LMF1: variants seen among roughly 807,000 people sequenced by gnomAD.
The protein encoded by LMF1 is lipase maturation factor 1, also known as transmembrane protein 112.
A neutral mutation model predicts 60.6 loss-of-function variants in LMF1; 68 were observed. That is an observed-to-expected ratio of 1.12 (90% confidence interval 0.92 to 1.37). The LOEUF (loss-of-function observed/expected upper bound fraction) is 1.37, where lower values mean the gene tolerates loss of function less well. Ranked by LOEUF, LMF1 falls within the 40% of genes most tolerant of loss-of-function variation. The probability of loss-of-function intolerance (pLI) is 0.00; values close to 1 mark genes in which losing one functional copy is unlikely to be tolerated. For missense variants in LMF1, 948 were observed against 767.2 expected (o/e 1.24, Z -2.78); for synonymous variants, 418 against 324.7 (o/e 1.29, Z -3.09).
At chr16:898,344 G>A (rs777873157) in intron 4 of LMF1, among the ~76,000 whole-genome samples, 4 of 152,220 alleles carry the variant, frequency 2.6e-5, no homozygotes, top group Admixed American at 1.3e-4. Context: ...TCGGGCCGCC[G>A]CAGAGCCTAG....
chr16:934,138 G>T (rs775546525), intron 3 of LMF1, 106 bp downstream of exon 3: 1 of 1,585,802 alleles, frequency 6.3e-7, no homozygotes, highest in South Asian at 1.1e-5. Context: ...GAAGGCTGAT[G>T]GCAGAGGCTA....
At position 855,552 on chromosome 16, in the gene LMF1, C is replaced by T. The variant is rs149002423; in HGVS notation, c.1530-846G>A. 2.4e-3 allele frequency: 877 copies of T among 369,296 alleles called. 3 individuals carry two copies. Among genetic ancestry groups the T allele is most frequent in the South Asian group, 4.3e-3 (211 of 49,538 alleles). The allele number at this position is 369,296 out of a possible 1,614,324, so 22.9% of individuals were successfully genotyped here. On this transcript the variant is annotated intron_variant, in intron 10 of 10. Transcript: ENST00000262301. ...TGCTCGGCTGCCCCGGAGGAGGAGG[C>T]GCCAGGAGGAATTGTCACCGTCACA...
intron 2 of LMF1, among the ~76,000 whole-genome samples, chr16:951,039 TGACAGAGTCAGCCAATGACAGAGTCAGCC>T (rs1254614267): frequency 4.2e-5 from 4 of 94,246 alleles, no homozygotes; most frequent in Non-Finnish European, 7.5e-5. Context: ...TCAGAGCCAA[TGACAGAGTCAGCCAATGACAGAGTCAGCC>T]GACAGAGTCA....
chr16:886,304 C>G (rs1165755221), intron 5 of LMF1, among the ~76,000 whole-genome samples: 1 of 152,146 alleles, frequency 6.6e-6, no homozygotes, highest in Non-Finnish European at 1.5e-5. Flanking sequence ...GCACTGCTGA[C>G]CTTGAGGCGC....
chr16:871,740 T>TG (rs888875686), intron 6 of LMF1: 1 of 186,006 alleles, frequency 5.4e-6, no homozygotes, highest in Admixed American at 5.7e-5. Flanking sequence ...AGGCTGTGCT[T>TG]GGAGAGTGGG....
In LMF1 at chr16:861,254, GTGTC is replaced by G. The variant is rs556382245; in HGVS notation, c.1530-6552_1530-6549del. Among the ~76,000 whole-genome samples, 11 of 151,902 alleles carry G rather than the reference GTGTC, an allele frequency of 7.2e-5. No homozygotes were observed. The East Asian group carries it at 7.7e-4, about 11-fold the overall frequency. On this transcript the variant is annotated intron_variant, in intron 10 of 10. Coordinates refer to ENST00000262301, the MANE Select transcript of LMF1 (RefSeq NM_022773.4). ...AAGTGGTTCTGCGTATTTAATTTAG[GTGTC>G]TGTGTGTTCATTGCTAGCGTACAGG... is the stretch of plus-strand genomic sequence containing the variant.
At chr16:955,851 C>T (rs1274017566) in intron 1 of LMF1, among the ~76,000 whole-genome samples, 4 of 152,252 alleles carry the variant, frequency 2.6e-5, no homozygotes, top group African/African-American at 9.6e-5. Context: ...TCCCAGCACA[C>T]GCTGCAGGGC....
intron 5 of LMF1, among the ~76,000 whole-genome samples, chr16:892,426 C>A (rs562462035): frequency 5.9e-5 from 9 of 152,188 alleles, no homozygotes; most frequent in Admixed American, 4.6e-4. Flanking sequence ...CCAGCCCCCA[C>A]GTGAACACGT....
At chr16:871,666 C>T (rs543194635) in intron 6 of LMF1, 1 of 287,092 alleles carries the variant, frequency 3.5e-6, no homozygotes, top group African/African-American at 2.2e-5. Context: ...TCCTGGAACT[C>T]CTCACTTTCA....
At chr16:901,479 G>C (rs2070810209) in intron 4 of LMF1, 1 of 152,236 alleles carries the variant, frequency 6.6e-6, no homozygotes, top group African/African-American at 2.4e-5. Flanking sequence ...GATGGGGAAA[G>C]AAAGGGGAAA....
intron 10 of LMF1, among the ~76,000 whole-genome samples, chr16:856,945 C>T (rs923503056): frequency 9.2e-5 from 14 of 152,274 alleles, no homozygotes; most frequent in South Asian, 2.1e-4. Context: ...CCCGGACCCC[C>T]GTGTCCTTCC....
intron 10 of LMF1, among the ~76,000 whole-genome samples, chr16:857,230 G>A (rs1340857432): frequency 6.6e-6 from 1 of 152,230 alleles, no homozygotes; most frequent in Non-Finnish European, 1.5e-5. Flanking sequence ...CCTCTGCACG[G>A]GTTTCTGCGT....
intron 2 of LMF1, among the ~76,000 whole-genome samples, chr16:937,255 A>G (rs536986791): frequency 6.6e-6 from 1 of 152,280 alleles, no homozygotes; most frequent in African/African-American, 2.4e-5. Context: ...AGCTTTTATT[A>G]CATTTTCAAC....
At chr16:859,405 G>C (rs1422648849) in intron 10 of LMF1, among the ~76,000 whole-genome samples, 92 of 1,388 alleles carry the variant, frequency 0.066, 2 homozygotes, top group Non-Finnish European at 0.077. Context: ...TGTCTCGGGA[G>C]GGGTGTGCAG....
chr16:910,699 TTC>T (rs1270718621), intron 4 of LMF1, among the ~76,000 whole-genome samples: 1 of 152,070 alleles, frequency 6.6e-6, no homozygotes, highest in African/African-American at 2.4e-5. Flanking sequence ...AGAGGTGTGG[TTC>T]TGTCCCAGAA....
At chr16:887,524 C>T (rs1433802606) in intron 5 of LMF1, among the ~76,000 whole-genome samples, 2 of 152,182 alleles carry the variant, frequency 1.3e-5, no homozygotes, top group African/African-American at 2.4e-5. Context: ...CAAGGCTGCT[C>T]TAGGCAGCAG....
chr16:952,047 C>T (rs911559444), intron 2 of LMF1, among the ~76,000 whole-genome samples: 1 of 152,198 alleles, frequency 6.6e-6, no homozygotes, highest in Non-Finnish European at 1.5e-5. Context: ...CTCATGGGCG[C>T]CTCGGCAAAG....
At position 869,010 on chromosome 16, in the gene LMF1, AG is replaced by A. The variant is rs770501839; in HGVS notation, c.1462del (p.Leu488TrpfsTer65). ...DWIIHLAGKL[L>X]ASDAEALSLL... ...GGACAAGGCCTCGGCGTCGCTGGCCAGGAGCTTGCCAGCCAGGTGGATGATC... is the reference window on the plus strand; with the variant it reads ...GGACAAGGCCTCGGCGTCGCTGGCCAGAGCTTGCCAGCCAGGTGGATGATC... On this transcript the variant is annotated frameshift_variant, in exon 10 of 11. Coordinates refer to ENST00000262301, the MANE Select transcript of LMF1 (RefSeq NM_022773.4). LOFTEE classifies it high-confidence loss of function. 6 of 1,612,276 alleles carry A rather than the reference AG, an allele frequency of 3.7e-6. No homozygotes were observed. Among genetic ancestry groups the A allele is most frequent in the Non-Finnish European group, 5.1e-6 (6 of 1,179,406 alleles).
At chr16:894,267 CCCCCTGTCCACCTGGCAGTG>C (rs2070592775) in intron 4 of LMF1, among the ~76,000 whole-genome samples, 1 of 146,548 alleles carries the variant, frequency 6.8e-6, no homozygotes, top group Non-Finnish European at 1.5e-5. Flanking sequence ...GCCCACCTGT[CCCCCTGTCCACCTGGCAGTG>C]CGCCCACCCA....
Sources: gnomAD v4.1 joint callset for allele counts (sites outside exome capture counted in the v4.1 genomes callset) on GRCh38, gnomAD v4.1.1 for gene constraint, MANE v1.5 for transcripts, NCBI Gene and HGNC (gene_info 2026-07-23, HGNC 2026-07-21) for gene names.